ACSS3: variants seen among roughly 807,000 people sequenced by gnomAD.
ACSS3 encodes acyl-CoA synthetase short-chain family member 3, mitochondrial.
In ACSS3, 64 loss-of-function variants were observed where a neutral mutation model predicts 84.2. That is an observed-to-expected ratio of 0.76 (90% CI 0.62 to 0.94). ACSS3 has a LOEUF of 0.94. Among genes scored for constraint, ACSS3 ranks in the 40% least tolerant of loss-of-function variants. The pLI is 0.00. For missense variants in ACSS3, 815 were observed against 867.6 expected (o/e 0.94, Z 0.76); for synonymous variants, 317 against 310.1 (o/e 1.02, Z -0.23).
chr12:81,244,722 C>A (rs573373251), intron 13 of ACSS3, among the ~76,000 whole-genome samples: 82 of 152,184 alleles, frequency 5.4e-4, no homozygotes, highest in Non-Finnish European at 1.1e-3. Context: ...TTTAAAAATT[C>A]TTTCTTAGAA....
intron 1 of ACSS3, 40 bp downstream of exon 1, chr12:81,078,471 G>A (rs1443137612): frequency 6.2e-7 from 1 of 1,601,756 alleles, no homozygotes; most frequent in Non-Finnish European, 8.5e-7. Flanking sequence ...CCCATCCCTG[G>A]TAACTTTTTG....
At chr12:81,172,259 C>CAAAA (rs775755412) in intron 7 of ACSS3, among the ~76,000 whole-genome samples, 2 of 56,980 alleles carry the variant, frequency 3.5e-5, no homozygotes, top group African/African-American at 1.4e-4. Flanking sequence ...GGCTCTGTCT[C>CAAAA]AAAAAAAAAA....
intron 1 of ACSS3, among the ~76,000 whole-genome samples, chr12:81,090,093 C>T (rs1343291505): frequency 2.0e-5 from 3 of 151,938 alleles, no homozygotes; most frequent in African/African-American, 7.2e-5. Context: ...CTTCCCTTTG[C>T]TTTATTTGTT....
At chr12:81,213,953 CT>C (rs1565724230) in intron 9 of ACSS3, among the ~76,000 whole-genome samples, 502 of 18,502 alleles carry the variant, frequency 0.027, 44 homozygotes, top group Non-Finnish European at 0.057. Flanking sequence ...CTCTCTCCCT[CT>C]CTCTCTTTCT....
At chr12:81,078,045 T>A, upstream of ACSS3, 1 of 1,408,760 alleles carries the variant, frequency 7.1e-7, no homozygotes, top group Non-Finnish European at 9.3e-7. Context: ...CGCCCCCTAC[T>A]CCCTTCCCTC....
At chr12:81,080,678 A>C (rs865798840) in intron 1 of ACSS3, among the ~76,000 whole-genome samples, 1 of 152,140 alleles carries the variant, frequency 6.6e-6, no homozygotes, top group Non-Finnish European at 1.5e-5. Flanking sequence ...CTAAATGAAG[A>C]TAGTCCTGAT....
intron 9 of ACSS3, among the ~76,000 whole-genome samples, chr12:81,208,525 G>T (rs1338932798): frequency 2.0e-5 from 3 of 151,878 alleles, no homozygotes; most frequent in Admixed American, 1.3e-4. Context: ...TTAAAATTTG[G>T]TCTTATCTTC....
At position 81,179,907 on chromosome 12, in the gene ACSS3, A is replaced by G. The variant is rs181881058; in HGVS notation, c.1250+4968A>G. On this transcript the variant is annotated intron_variant, in intron 8 of 15. Coordinates refer to ENST00000548058, the MANE Select transcript of ACSS3 (RefSeq NM_024560.4). ...ATTGGCTCATGGTTTTGCAGGCTGT[A>G]AAGGAAGCATGATGCTGTCATCTGC... Among the ~76,000 whole-genome samples the G allele has an allele frequency of 4.1e-3, 627 of 152,242 alleles. 4 individuals are homozygous for G. The highest frequency in any genetic ancestry group is 0.014 in the African/African-American group (584 of 41,520).
At chr12:81,246,545 T>C (rs546830376) in intron 13 of ACSS3, among the ~76,000 whole-genome samples, 2 of 152,318 alleles carry the variant, frequency 1.3e-5, no homozygotes, top group African/African-American at 2.4e-5. Context: ...AGTGAACTCA[T>C]CACCAAGTTG....
At chr12:81,113,678 T>G (rs572987505) in intron 2 of ACSS3, among the ~76,000 whole-genome samples, 1 of 152,130 alleles carries the variant, frequency 6.6e-6, no homozygotes, top group Non-Finnish European at 1.5e-5. Context: ...CTAGCTTCTT[T>G]TACTGCAGGA....
rs1409877319 is a variant in ACSS3, at chr12:81,256,089, G to GAAC, written c.*1168_*1170dup. The GAAC allele has an allele frequency of 6.6e-6, 1 of 152,152 alleles. No individual in the cohort carries two copies. The highest frequency in any genetic ancestry group is 1.5e-5 in the Non-Finnish European group (1 of 68,038). The allele number at this position is 152,152 out of a possible 1,614,324, so 9.4% of individuals were successfully genotyped here. Reference sequence around the variant, plus strand: ...TGTAATGTCTAGGTGATTTTGAAGTGAACTTAAGCCACTAGGTTTGAGGGA... The same window carrying GAAC: ...TGTAATGTCTAGGTGATTTTGAAGTGAACAACTTAAGCCACTAGGTTTGAGGGA... On this transcript the variant is annotated 3_prime_UTR_variant, in exon 16 of 16. Transcript: ENST00000548058.
chr12:81,125,221 A>C (rs2574747), intron 2 of ACSS3, among the ~76,000 whole-genome samples: 127,887 of 152,088 alleles, frequency 0.84, 55,990 homozygotes, highest in Non-Finnish European at 0.96. Flanking sequence ...CTCAAAAAAA[A>C]AAAACAAAAC....
rs567602729 is a variant in ACSS3, at chr12:81,128,146, T to G, written c.457-6670T>G. 5.3e-5 allele frequency among the ~76,000 whole-genome samples: 8 copies of G among 152,232 alleles called. No individual in the cohort carries two copies. The South Asian group carries it at 1.4e-3, about 28-fold the overall frequency. On this transcript the variant is annotated intron_variant, in intron 2 of 15. Coordinates refer to ENST00000548058, the MANE Select transcript of ACSS3 (RefSeq NM_024560.4). ...TTTATAATATATAAATTTCAGTTGT[T>G]GCATTTTCTTTACAATTATTATTCC...
chr12:81,213,899 TTTG>T (rs1477101975), intron 9 of ACSS3, among the ~76,000 whole-genome samples: 1,128 of 61,262 alleles, frequency 0.018, 55 homozygotes, highest in Non-Finnish European at 0.035. Flanking sequence ...CTTTCTTTCT[TTTG>T]TCCTTCCTTC....
chr12:81,181,691 T>A (rs2030933425), intron 8 of ACSS3, among the ~76,000 whole-genome samples: 1 of 99,614 alleles, frequency 1.0e-5, no homozygotes. Context: ...AACAAAGAAA[T>A]ATATATCATA....
intron 1 of ACSS3, among the ~76,000 whole-genome samples, chr12:81,097,324 G>T (rs1284860033): frequency 6.6e-6 from 1 of 152,206 alleles, no homozygotes; most frequent in African/African-American, 2.4e-5. Context: ...CAGCCACAGA[G>T]AATACACATA....
chr12:81,082,047 T>C (rs1265194790), intron 1 of ACSS3, among the ~76,000 whole-genome samples: 2 of 152,228 alleles, frequency 1.3e-5, no homozygotes, highest in Non-Finnish European at 2.9e-5. Context: ...GTGAAAGACA[T>C]GCATTAAATT....
intron 1 of ACSS3, among the ~76,000 whole-genome samples, chr12:81,093,868 CTGTT>C (rs1881839287): frequency 6.6e-6 from 1 of 152,062 alleles, no homozygotes; most frequent in Non-Finnish European, 1.5e-5. Context: ...GTCTGTCAAT[CTGTT>C]TGACTCCCTG....
chr12:81,151,648 G>A (rs1886614348), intron 5 of ACSS3, 196 bp from the exon 6 acceptor site: 2 of 487,388 alleles, frequency 4.1e-6, no homozygotes, highest in South Asian at 3.3e-5. Context: ...GCACTAATGA[G>A]GACAAATTAT....
Sources: gnomAD v4.1 joint callset for allele counts (sites outside exome capture counted in the v4.1 genomes callset) on GRCh38, gnomAD v4.1.1 for gene constraint, MANE v1.5 for transcripts, NCBI Gene and HGNC (gene_info 2026-07-23, HGNC 2026-07-21) for gene names.